The following TENT2 variants were observed in gnomAD, a reference collection of about 807,000 sequenced individuals.
The protein encoded by TENT2 is terminal nucleotidyltransferase 2.
TENT2 carries 44 observed loss-of-function variants against 72.2 expected under a neutral mutation model. The ratio of observed to expected loss-of-function variants is 0.61; its 90% confidence interval spans 0.48 to 0.78. TENT2 has a LOEUF of 0.78. Among genes scored for constraint, TENT2 ranks in the 30% least tolerant of loss-of-function variants. The probability of loss-of-function intolerance (pLI) is 0.00; values close to 1 mark genes in which losing one functional copy is unlikely to be tolerated. For missense variants in TENT2, 541 were observed against 569.6 expected, an observed-to-expected ratio of 0.95 and a Z score of 0.51; for synonymous variants, 212 against 192.5, an observed-to-expected ratio of 1.10 and a Z score of -0.84.
intron 4 of TENT2, among the ~76,000 whole-genome samples, chr5:79,624,799 A>G (rs1225236160): frequency 2.0e-5 from 3 of 152,226 alleles, no homozygotes; most frequent in African/African-American, 7.2e-5. Flanking sequence ...TTGTTAATGC[A>G]GTCCTCAGCT....
At chr5:79,633,300 T>G (rs1248920091) in intron 4 of TENT2, among the ~76,000 whole-genome samples, 1 of 152,140 alleles carries the variant, frequency 6.6e-6, no homozygotes, top group Non-Finnish European at 1.5e-5. Context: ...AATGACCTGT[T>G]TTCTGGACCA....
chr5:79,635,148 T>G (rs191881301), intron 4 of TENT2, among the ~76,000 whole-genome samples: 159 of 152,358 alleles, frequency 1.0e-3, no homozygotes, highest in African/African-American at 3.8e-3. Flanking sequence ...CCTCTCTATT[T>G]TTTTAAGAAC....
chr5:79,640,008 G>GC (rs1783119915), intron 4 of TENT2, among the ~76,000 whole-genome samples: 1 of 152,148 alleles, frequency 6.6e-6, no homozygotes, highest in African/African-American at 2.4e-5. Flanking sequence ...TGTAATCCCA[G>GC]CACTTTGGGA....
chr5:79,624,055 A>G (rs1490531619), intron 4 of TENT2, among the ~76,000 whole-genome samples: 1 of 152,216 alleles, frequency 6.6e-6, no homozygotes, highest in Non-Finnish European at 1.5e-5. Flanking sequence ...TTTAATATCT[A>G]ATAATAGAAA....
chr5:79,619,096 CCCTCT>C (rs1455644140), intron 1 of TENT2, among the ~76,000 whole-genome samples: 1 of 152,150 alleles, frequency 6.6e-6, no homozygotes, highest in Non-Finnish European at 1.5e-5. Context: ...TGGAACATAG[CCCTCT>C]TTTATTGGAA....
intron 10 of TENT2, 140 bp from the exon 11 acceptor site, chr5:79,656,814 GAATT>G (rs1380227580): frequency 1.8e-6 from 1 of 546,536 alleles, no homozygotes; most frequent in African/African-American, 1.9e-5. Flanking sequence ...TTAGGGATAA[GAATT>G]AATTTCATGA....
intron 11 of TENT2, among the ~76,000 whole-genome samples, chr5:79,666,188 C>T (rs6867596): frequency 0.2 from 30,613 of 151,342 alleles, 4,574 homozygotes; most frequent in African/African-American, 0.42. Flanking sequence ...GGGGTTTCAC[C>T]GTGTTGGCCA....
intron 12 of TENT2, among the ~76,000 whole-genome samples, chr5:79,670,834 T>A (rs1217306723): frequency 1.3e-5 from 2 of 151,180 alleles, no homozygotes; most frequent in Admixed American, 1.3e-4. Flanking sequence ...ATAACCTCTG[T>A]CAAGCTTAGG....
At chr5:79,673,750 G>C (rs1166543901) in intron 12 of TENT2, among the ~76,000 whole-genome samples, 1 of 152,048 alleles carries the variant, frequency 6.6e-6, no homozygotes, top group Non-Finnish European at 1.5e-5. Context: ...TTCAAGTGGA[G>C]ATACTGAGTA....
At chr5:79,643,523 T>C (rs1031726411) in intron 7 of TENT2, among the ~76,000 whole-genome samples, 1 of 152,194 alleles carries the variant, frequency 6.6e-6, no homozygotes, top group Admixed American at 6.5e-5. Context: ...AGTTACACTG[T>C]GTGATATTGG....
intron 10 of TENT2, among the ~76,000 whole-genome samples, chr5:79,653,096 T>C (rs1437041694): frequency 1.3e-5 from 2 of 152,192 alleles, no homozygotes; most frequent in South Asian, 2.1e-4. Flanking sequence ...TAATTCTTAC[T>C]GGTTACCTTA....
At chr5:79,613,993 T>C (rs1228246594) in intron 1 of TENT2, 2 of 152,042 alleles carry the variant, frequency 1.3e-5, no homozygotes, top group South Asian at 2.1e-4. Context: ...TTGAGTGTTC[T>C]CTAATTTGTT....
In TENT2 at chr5:79,631,934, G is replaced by A. The variant is rs558072747; in HGVS notation, c.465+8445G>A. ...CAGGGAAATTTGTAGATACGGTAGG[G>A]AGAAGTTAGTGGAGTTTCCAGAGTT... is the stretch of plus-strand genomic sequence containing the variant. On this transcript the variant is annotated intron_variant, in intron 4 of 14. Coordinates refer to ENST00000453514, the MANE Select transcript of TENT2 (RefSeq NM_001114394.3). 3.2e-4 allele frequency among the ~76,000 whole-genome samples: 49 copies of A among 152,320 alleles called. 1 individual carries two copies. The highest frequency in any genetic ancestry group is 1.2e-3 in the African/African-American group (48 of 41,560).
intron 11 of TENT2, among the ~76,000 whole-genome samples, chr5:79,659,427 G>A (rs981732448): frequency 2.0e-5 from 3 of 150,038 alleles, no homozygotes; most frequent in Admixed American, 6.7e-5. Context: ...CAGCTACTCA[G>A]GAGGGTGAGG....
intron 3 of TENT2, among the ~76,000 whole-genome samples, chr5:79,622,016 A>G (rs922844907): frequency 2.0e-5 from 3 of 151,608 alleles, no homozygotes; most frequent in Non-Finnish European, 4.4e-5. Context: ...AAAACCTTCT[A>G]TGGGCCGGGT....
intron 8 of TENT2, among the ~76,000 whole-genome samples, chr5:79,646,702 T>C (rs557108373): frequency 6.6e-5 from 10 of 152,172 alleles, no homozygotes; most frequent in Middle Eastern, 3.4e-3. Flanking sequence ...GTTGTAGTTA[T>C]AGTTACAAAG....
At chr5:79,628,653 G>A (rs988598806) in intron 4 of TENT2, among the ~76,000 whole-genome samples, 1 of 152,196 alleles carries the variant, frequency 6.6e-6, no homozygotes, top group Non-Finnish European at 1.5e-5. Context: ...TAGAGATAAA[G>A]AACCTAGATT....
chr5:79,623,229 T>A (rs1561459893), intron 3 of TENT2, 23 bp from the exon 4 acceptor site: 1 of 1,525,190 alleles, frequency 6.6e-7, no homozygotes, highest in Non-Finnish European at 8.9e-7. Context: ...CTTTAATTAC[T>A]AAGGTATATT....
chr5:79,652,348 T>C (rs747121360), intron 10 of TENT2, among the ~76,000 whole-genome samples: 2 of 152,026 alleles, frequency 1.3e-5, no homozygotes, highest in Admixed American at 1.3e-4. Flanking sequence ...TATATTCTCA[T>C]ACATCATAAT....
Sources: gnomAD v4.1 joint callset for allele counts (sites outside exome capture counted in the v4.1 genomes callset) on GRCh38, gnomAD v4.1.1 for gene constraint, MANE v1.5 for transcripts, NCBI Gene and HGNC (gene_info 2026-07-23, HGNC 2026-07-21) for gene names.